Variants in EPB41L3 observed in about 807,000 individuals in gnomAD.
EPB41L3 encodes the protein band 4.1-like protein 3.
In EPB41L3, 57 loss-of-function variants were observed where a neutral mutation model predicts 127.1. That is an observed-to-expected ratio of 0.45 (90% confidence interval 0.36 to 0.56). The LOEUF is 0.56. Among genes scored for constraint, EPB41L3 ranks in the 20% least tolerant of loss-of-function variants. EPB41L3 has a pLI of 0.00. For missense variants in EPB41L3, 1,273 were observed against 1,372.2 expected (o/e 0.93, Z 1.14); for synonymous variants, 572 against 549.5 (o/e 1.04, Z -0.57).
At chr18:5,544,321 C>T, upstream of EPB41L3, 1 of 985,426 alleles carries the variant, frequency 1.0e-6, no homozygotes, top group Middle Eastern at 5.2e-4. Context: ...CCAGACCCCT[C>T]TCCCCTCCCA....
chr18:5,421,213 G>A (rs1025180112), intron 11 of EPB41L3, among the ~76,000 whole-genome samples: 1 of 152,126 alleles, frequency 6.6e-6, no homozygotes, highest in Non-Finnish European at 1.5e-5. Flanking sequence ...CTTCTCAGCA[G>A]TCATTATCAC....
chr18:5,571,062 G>T (rs1445302048), intron 3 of EPB41L3: 1 of 152,028 alleles, frequency 6.6e-6, no homozygotes, highest in East Asian at 1.9e-4. Context: ...TTGAAATTTT[G>T]AAATGGGCTT....
At chr18:5,551,418 G>A (rs1030689452) in intron 3 of EPB41L3, among the ~76,000 whole-genome samples, 1 of 152,096 alleles carries the variant, frequency 6.6e-6, no homozygotes, top group Non-Finnish European at 1.5e-5. Context: ...CACGTGGGGG[G>A]ATTTTTTAAA....
At chr18:5,538,329 G>C (rs1217662763) in intron 1 of EPB41L3, among the ~76,000 whole-genome samples, 1 of 152,122 alleles carries the variant, frequency 6.6e-6, no homozygotes, top group East Asian at 1.9e-4. Context: ...ACTGTCTCCA[G>C]GATTTTCTCC....
Position 5,616,025 on chromosome 18 carries a change from AG to A in EPB41L3, c.-467-1603del, listed in dbSNP as rs542941918. 1.2e-4 allele frequency among the ~76,000 whole-genome samples: 18 copies of A among 152,254 alleles called. No individual in the cohort carries two copies. In the South Asian group the frequency reaches 3.7e-3, roughly 32 times the overall value. ...TCTTCTGGTTTCCCTGGATTTCTCC[AG>A]GTGCTACTCCTTTCATTCTCAGCAA... On this transcript the variant is annotated intron_variant, in intron 1 of 21. Coordinates refer to the EPB41L3 transcript ENST00000545076.
intron 3 of EPB41L3, among the ~76,000 whole-genome samples, chr18:5,598,528 T>TA (rs1411834824): frequency 6.6e-6 from 1 of 152,244 alleles, no homozygotes; most frequent in Non-Finnish European, 1.5e-5. Context: ...TAAATATCAA[T>TA]AGGTATAATC....
intron 14 of EPB41L3, among the ~76,000 whole-genome samples, chr18:5,409,495 A>G (rs1408614752): frequency 6.6e-6 from 1 of 152,170 alleles, no homozygotes; most frequent in Non-Finnish European, 1.5e-5. Context: ...GAATCTGCAT[A>G]ATAGTTTTAA....
intron 3 of EPB41L3, among the ~76,000 whole-genome samples, chr18:5,476,286 A>G (rs1268809276): frequency 2.0e-5 from 3 of 152,200 alleles, no homozygotes; most frequent in Admixed American, 6.5e-5. Context: ...TCCCAGAAAA[A>G]AGTTGCTCTT....
chr18:5,540,663 T>A (rs2149040949), intron 1 of EPB41L3: 3 of 515,642 alleles, frequency 5.8e-6, no homozygotes, highest in Non-Finnish European at 7.5e-6. Context: ...AGGATCTCTC[T>A]AACTGAAGTG....
At chr18:5,422,597 C>T (rs2077615474) in intron 11 of EPB41L3, among the ~76,000 whole-genome samples, 1 of 152,172 alleles carries the variant, frequency 6.6e-6, no homozygotes, top group Non-Finnish European at 1.5e-5. Flanking sequence ...AATGAGAAGA[C>T]AGAGACCTAG....
intron 1 of EPB41L3, among the ~76,000 whole-genome samples, chr18:5,502,963 C>A (rs1233644623): frequency 6.6e-6 from 1 of 152,152 alleles, no homozygotes; most frequent in Non-Finnish European, 1.5e-5. Context: ...CCACGGTTTT[C>A]CACATCCAGA....
intron 2 of EPB41L3, among the ~76,000 whole-genome samples, chr18:5,613,941 A>T (rs1466567726): frequency 1.3e-5 from 2 of 152,246 alleles, no homozygotes; most frequent in Non-Finnish European, 2.9e-5. Context: ...GAGGCAGTAA[A>T]TATCAATAGA....
intron 1 of EPB41L3, among the ~76,000 whole-genome samples, chr18:5,530,961 T>C (rs142415269): frequency 3.3e-5 from 5 of 152,298 alleles, no homozygotes; most frequent in African/African-American, 7.2e-5. Context: ...ACTCCACTGT[T>C]AGGCAGACGG....
chr18:5,435,151 G>C (rs1318009417), intron 6 of EPB41L3, among the ~76,000 whole-genome samples: 1 of 152,190 alleles, frequency 6.6e-6, no homozygotes, highest in African/African-American at 2.4e-5. Context: ...GCAGCTGTAT[G>C]ATGTGTGTTT....
intron 1 of EPB41L3, among the ~76,000 whole-genome samples, chr18:5,540,883 G>C (rs891571299): frequency 6.6e-6 from 1 of 151,972 alleles, no homozygotes; most frequent in Non-Finnish European, 1.5e-5. Context: ...AGGAGATCGA[G>C]ACCATCCTGG....
chr18:5,445,150 T>C lies in EPB41L3; in HGVS notation c.476A>G (p.Glu159Gly). The change falls in exon 4 of 23, where the codon GAA (glutamate) becomes GGA (glycine). Residue 159 changes from glutamate to glycine, a missense_variant. Glu to Gly is a moderately conservative substitution (Grantham distance 98, BLOSUM62 -2). Coordinates refer to ENST00000341928, the MANE Select transcript of EPB41L3 (RefSeq NM_012307.5). The part of the protein sequence containing the change: ...DYFGLTYRDA[E>G]NQKNWLDPAK... Reference sequence around the variant, plus strand: ...CTTTTGATCACTCACCTTCTGGTTTTCAGCATCTCGATACGTAAGCCCAAA... The same window carrying C: ...CTTTTGATCACTCACCTTCTGGTTTCCAGCATCTCGATACGTAAGCCCAAA... 5 of 1,613,918 alleles carry C rather than the reference T, an allele frequency of 3.1e-6. No homozygotes were observed. Among genetic ancestry groups the C allele is most frequent in the East Asian group, 2.2e-5 (1 of 44,874 alleles).
chr18:5,438,134 A>T, intron 5 of EPB41L3, 24 bp from the exon 6 acceptor site: 1 of 1,608,866 alleles, frequency 6.2e-7, no homozygotes. Context: ...AAAAAATTAG[A>T]GTAAAACCTT....
chr18:5,397,669 A>T lies in EPB41L3; in HGVS notation c.2473-243T>A, dbSNP rs1272233091. Among the ~76,000 whole-genome samples the T allele has an allele frequency of 6.6e-6, 1 of 152,244 alleles. No individual in the cohort carries two copies. Among genetic ancestry groups the T allele is most frequent in the Non-Finnish European group, 1.5e-5 (1 of 68,048 alleles). On this transcript the variant is annotated intron_variant, in intron 17 of 22. Transcript: ENST00000341928. This position sits in a 1 kb window ranked among gnomAD's most constrained non-coding sequence, Gnocchi z 4.1. ...TCAGGACATCCGCAAAACAAACGGA[A>T]GGCAGGATAAAGTGCAATTAACAAA...
At chr18:5,429,989 T>G (rs577264321) in intron 8 of EPB41L3, among the ~76,000 whole-genome samples, 2 of 152,326 alleles carry the variant, frequency 1.3e-5, no homozygotes, top group Non-Finnish European at 2.9e-5. Context: ...TTGACTCATT[T>G]TCTTTTTGGT....
Sources: gnomAD v4.1 joint callset for allele counts (sites outside exome capture counted in the v4.1 genomes callset) on GRCh38, gnomAD v4.1.1 for gene constraint, Gnocchi (gnomAD v3.1) non-coding constraint, MANE v1.5 for transcripts, NCBI Gene and HGNC (gene_info 2026-07-23, HGNC 2026-07-21) for gene names.